LAMA5: variants seen among roughly 807,000 people sequenced by gnomAD.
LAMA5 encodes laminin subunit alpha-5.
A neutral mutation model predicts 433.4 loss-of-function variants in LAMA5; 260 were observed. The ratio of observed to expected loss-of-function variants is 0.60; its 90% confidence interval spans 0.54 to 0.66. The LOEUF (loss-of-function observed/expected upper bound fraction) is 0.66. Ranked by LOEUF, LAMA5 falls within the 30% of genes least tolerant of loss-of-function variation. LAMA5 has a pLI of 0.00. For synonymous variants in LAMA5, 2,620 were observed against 2,226.6 expected, an observed-to-expected ratio of 1.18 and a Z score of -4.97; for missense variants, 5,378 against 5,258.5, an observed-to-expected ratio of 1.02 and a Z score of -0.70.
At chr20:62,340,019 C>T (rs995471955) in intron 11 of LAMA5, among the ~76,000 whole-genome samples, 1 of 151,906 alleles carries the variant, frequency 6.6e-6, no homozygotes, top group Non-Finnish European at 1.5e-5. Context: ...CTGGGGTGGA[C>T]GCAAACACAG....
At position 62,334,266 on chromosome 20, in the gene LAMA5, G is replaced by A. The variant is rs777193671; in HGVS notation, c.2659C>T (p.His887Tyr). The A allele has an allele frequency of 3.7e-5, 60 of 1,612,686 alleles. No homozygotes were observed. The East Asian group carries it at 1.3e-3, about 34-fold the overall frequency. Residue 887 changes from histidine to tyrosine, a missense_variant, in exon 22 of 80, where the codon CAC becomes TAC. Physicochemically the swap from His to Tyr is moderately conservative, Grantham distance 83. Transcript: ENST00000252999. ...GGGTTGAAGCCAAAGCGCACGGCGT[G>A]ACCCTCAGGTGTGGCAGCCTCCTCC... The part of the protein sequence containing the change: ...ELEEAATPEG[H>Y]AVRFGFNPLE...
chr20:62,346,293 C>G, intron 9 of LAMA5, 78 bp from the exon 10 acceptor site: 2 of 1,528,842 alleles, frequency 1.3e-6, no homozygotes, highest in Admixed American at 2.0e-5. Flanking sequence ...GCAGTCTCTA[C>G]CTCCCCAGCC....
intron 16 of LAMA5, among the ~76,000 whole-genome samples, chr20:62,337,383 C>T (rs1052749810): frequency 4.6e-5 from 7 of 152,224 alleles, no homozygotes; most frequent in South Asian, 2.1e-4. Flanking sequence ...ACGACAGGCG[C>T]GGATGCACAG....
chr20:62,314,160 T>A (rs1313327263), intron 62 of LAMA5, 144 bp downstream of exon 62: 2 of 992,448 alleles, frequency 2.0e-6, no homozygotes, highest in Non-Finnish European at 2.8e-6. Flanking sequence ...AGACGAGGGG[T>A]GGCGAGTGGG....
At position 62,328,420 on chromosome 20, in the gene LAMA5, A is replaced by G. The variant is rs376835675; in HGVS notation, c.4473T>C (p.Cys1491=). The change falls in exon 35 of 80, where the codon TGT becomes TGC. Residue 1491 remains cysteine, a synonymous_variant. Coordinates refer to ENST00000252999, the MANE Select transcript of LAMA5 (RefSeq NM_005560.6). ...AGATGCACTGGCCCGTGAGCTCGTC[A>G]CAGAGGCGGGCACCGCAGTCACAGG... ...CRPCDCGARL[C]DELTGQCICP... 17 of 1,519,634 alleles carry G rather than the reference A, an allele frequency of 1.1e-5. No homozygotes were observed. The highest frequency in any genetic ancestry group is 1.4e-5 in the Non-Finnish European group (16 of 1,127,756). The allele number at this position is 1,519,634 out of a possible 1,614,324, so 94.1% of individuals were successfully genotyped here. A position where few individuals can be genotyped will look rare whatever the true frequency, so the allele number is the denominator to read the frequency against.
At chr20:62,363,691 G>A (rs906041864) in intron 1 of LAMA5, among the ~76,000 whole-genome samples, 1 of 151,998 alleles carries the variant, frequency 6.6e-6, no homozygotes, top group Admixed American at 6.5e-5. Context: ...GTTTGAGAAA[G>A]TCAGCGGCCC....
chr20:62,363,507 G>A (rs1276436122), intron 1 of LAMA5, among the ~76,000 whole-genome samples: 1 of 152,140 alleles, frequency 6.6e-6, no homozygotes, highest in East Asian at 1.9e-4. Flanking sequence ...ATCCTGGCCT[G>A]CATCCTGGCA....
intron 75 of LAMA5, 37 bp from the exon 76 acceptor site, chr20:62,310,609 G>A: frequency 1.9e-6 from 3 of 1,579,092 alleles, no homozygotes; most frequent in Non-Finnish European, 2.6e-6. Context: ...AGGGCCCAGG[G>A]CAGCTGAAAG....
chr20:62,311,126 C>G (rs544458187), intron 73 of LAMA5, 32 bp from the exon 74 acceptor site: 1 of 1,561,418 alleles, frequency 6.4e-7, no homozygotes, highest in Non-Finnish European at 8.7e-7. Flanking sequence ...GCCTGCGCGG[C>G]CCCTCTCAGC....
chr20:62,322,117 C>CAGTTGCAGCGGCCCGTGTGAG lies in LAMA5; in HGVS notation c.6377_6397dup (p.Asn2132_Cys2133insSerHisThrGlyArgCysAsn). On this transcript the variant is annotated inframe_insertion, in exon 48 of 80. Coordinates refer to ENST00000252999, the MANE Select transcript of LAMA5 (RefSeq NM_005560.6). ...GCGCTCCCCGCTGAGCCCCGGGGGGCAGTTGCAGCGGCCCGTGTGAGGGTC... is the reference window on the plus strand; with the variant it reads ...GCGCTCCCCGCTGAGCCCCGGGGGGCAGTTGCAGCGGCCCGTGTGAGAGTTGCAGCGGCCCGTGTGAGGGTC... 1 of 1,603,184 alleles carries CAGTTGCAGCGGCCCGTGTGAG rather than the reference C, an allele frequency of 6.2e-7. No individual in the cohort carries two copies. The highest frequency in any genetic ancestry group is 8.5e-7 in the Non-Finnish European group (1 of 1,178,644).
At chr20:62,349,296 G>A (rs951556314) in intron 6 of LAMA5, among the ~76,000 whole-genome samples, 9 of 132,556 alleles carry the variant, frequency 6.8e-5, no homozygotes, top group Non-Finnish European at 8.1e-5. Flanking sequence ...AAAAAAAAGC[G>A]TGAGTCCTGA....
rs1040617290 is a variant in LAMA5 at position 62,362,415 on chromosome 20, G to A, written c.435C>T (p.Thr145=). The stretch of plus-strand genomic sequence containing the variant: ...GGGTCCCTACCTGGCCCAGGTCCAG[G>A]GTGACGTTGACCTCGTTGTACTCCA... ...RGLEYNEVNV[T]LDLGQVFHVA... Residue 145 remains threonine, a synonymous_variant, in exon 2 of 80, where the codon ACC becomes ACT. Transcript: ENST00000252999. The A allele has an allele frequency of 2.2e-5, 35 of 1,561,356 alleles. No individual in the cohort carries two copies. The highest frequency in any genetic ancestry group is 2.9e-5 in the Non-Finnish European group (33 of 1,147,938).
rs564355110 is a variant in LAMA5 at position 62,341,291 on chromosome 20, T to A, written c.1478-2683A>T. On this transcript the variant is annotated intron_variant, in intron 11 of 79. Coordinates refer to ENST00000252999, the MANE Select transcript of LAMA5 (RefSeq NM_005560.6). Reference sequence around the variant, plus strand: ...ATAAAACCCCAAATGATAGACTATTTAAAAAAAACACAGCAATGAGGACAC... The same window carrying A: ...ATAAAACCCCAAATGATAGACTATTAAAAAAAAACACAGCAATGAGGACAC... Among the ~76,000 whole-genome samples the A allele has an allele frequency of 7.9e-5, 12 of 151,800 alleles. No homozygotes were observed. In the South Asian group the frequency reaches 1.7e-3, roughly 21 times the overall value.
At chr20:62,363,528 A>G (rs714505) in intron 1 of LAMA5, among the ~76,000 whole-genome samples, 1 of 152,022 alleles carries the variant, frequency 6.6e-6, no homozygotes, top group African/African-American at 2.4e-5. Flanking sequence ...GGGGAGGGGT[A>G]GTGCTGGGAG....
rs1267405426 is a variant in LAMA5, at chr20:62,309,646, A to AGGGGGTGGGGGGGGGG, written c.10948+69_10948+70insCCCCCCCCCCACCCCC. 5.8e-3 allele frequency: 1,575 copies of AGGGGGTGGGGGGGGGG among 269,988 alleles called. 3 individuals are homozygous for AGGGGGTGGGGGGGGGG. The highest frequency in any genetic ancestry group is 7.4e-3 in the Admixed American group (48 of 6,450). 16.7% of individuals were successfully genotyped at this position (269,988 alleles called of 1,614,324 possible). The stretch of plus-strand genomic sequence containing the variant: ...GGGCAGGGGGTGGAGGGGTGGGGGG[A>AGGGGGTGGGGGGGGGG]GGGTGGTAGGTTACGCAGCACCTAG... On this transcript the variant is annotated intron_variant, in intron 79 of 79. Coordinates refer to ENST00000252999, the MANE Select transcript of LAMA5 (RefSeq NM_005560.6).
chr20:62,325,343 G>A lies in LAMA5; in HGVS notation c.5502C>T (p.Pro1834=), dbSNP rs371829628. 2.6e-5 allele frequency: 42 copies of A among 1,595,496 alleles called. 1 individual carries two copies. Among genetic ancestry groups the A allele is most frequent in the Admixed American group, 6.8e-5 (4 of 58,458 alleles). The change falls in exon 41 of 80, where the codon CCC becomes CCT. Residue 1834 remains proline, a synonymous_variant. Coordinates refer to ENST00000252999, the MANE Select transcript of LAMA5 (RefSeq NM_005560.6). ...LASNVELCLC[P]ASYRGDSCQE... is the part of the protein sequence containing the mutation. Reference sequence around the variant, plus strand: ...GGCATGAGTCCCCCCGGTAGCTGGCGGGGCACAGGCACAGCTCCACATTGC... The same window carrying A: ...GGCATGAGTCCCCCCGGTAGCTGGCAGGGCACAGGCACAGCTCCACATTGC...
rs1986833611 is a variant in LAMA5, at chr20:62,367,188, C to T, written c.58G>A (p.Ala20Thr). 2 of 1,223,480 alleles carry T rather than the reference C, an allele frequency of 1.6e-6. No homozygotes were observed. Among genetic ancestry groups the T allele is most frequent in the Admixed American group, 4.3e-5 (1 of 23,112 alleles). The allele number at this position is 1,223,480 out of a possible 1,614,324, so 75.8% of individuals were successfully genotyped here. The change falls in exon 1 of 80, where the codon GCG becomes ACG. Residue 20 changes from alanine to threonine, a missense_variant. Ala to Thr is a moderately conservative substitution (Grantham distance 58). Coordinates refer to ENST00000252999, the MANE Select transcript of LAMA5 (RefSeq NM_005560.6). Reference protein sequence around the residue: ...ALCVRGPRGPAPLLLVGLALL... With the variant: ...ALCVRGPRGPTPLLLVGLALL... ...GCCAGCCCGACCAGCAGCAGCGGCG[C>T]GGGGCCCCGGGGGCCGCGAACACAC...
Position 62,326,743 on chromosome 20 carries a change from G to C in LAMA5, c.5232C>G (p.Ile1744Met). 1 of 1,613,038 alleles carries C rather than the reference G, an allele frequency of 6.2e-7. No homozygotes were observed. The highest frequency in any genetic ancestry group is 8.5e-7 in the Non-Finnish European group (1 of 1,179,910). The change falls in exon 40 of 80, where the codon ATC (isoleucine) becomes ATG (methionine). Residue 1744 changes from isoleucine to methionine, a missense_variant. Physicochemically the swap from Ile to Met is conservative, Grantham distance 10. Coordinates refer to ENST00000252999, the MANE Select transcript of LAMA5 (RefSeq NM_005560.6). The part of the protein sequence containing the change: ...DVVLQGNQMS[I>M]TFLEPAYPTP... ...TGGGGTATGCCGGCTCCAGGAATGT[G>C]ATGCTCATCTGGTTGCCCTGGGAAG... is the stretch of plus-strand genomic sequence containing the variant.
chr20:62,338,544 G>C lies in LAMA5; in HGVS notation c.1542C>G (p.Arg514=), dbSNP rs1253514714. The change falls in exon 12 of 80, where the codon CGC becomes CGG. Residue 514 remains arginine (R), a synonymous_variant. Transcript: ENST00000252999. The part of the protein sequence containing the change: ...NACRKDPRVG[R]CLCKPNFQGT... ...CTTGGAAGTTGGGTTTGCACAGACAGCGTCCCACCCTTGGGTCCTTCCGGC... is the reference window on the plus strand; with the variant it reads ...CTTGGAAGTTGGGTTTGCACAGACACCGTCCCACCCTTGGGTCCTTCCGGC... 6.2e-7 allele frequency: 1 copy of C among 1,610,794 alleles called. No homozygotes were observed. The highest frequency in any genetic ancestry group is 8.5e-7 in the Non-Finnish European group (1 of 1,179,326).
Sources: gnomAD v4.1 joint callset for allele counts (sites outside exome capture counted in the v4.1 genomes callset) on GRCh38, gnomAD v4.1.1 for gene constraint, MANE v1.5 for transcripts, NCBI Gene and HGNC (gene_info 2026-07-23, HGNC 2026-07-21) for gene names.